Variants in RPA3 observed in about 807,000 individuals in gnomAD.
RPA3 encodes replication protein A3.
A neutral mutation model predicts 13.7 loss-of-function variants in RPA3; 24 were observed. That is an observed-to-expected ratio of 1.75 (90% CI 1.27 to 2.46). The LOEUF (loss-of-function observed/expected upper bound fraction) is 2.46. Among genes scored for constraint, RPA3 ranks in the 30% most tolerant of loss-of-function variants. The pLI, the probability that RPA3 is intolerant of heterozygous loss-of-function variation, is 0.00. For synonymous variants in RPA3, 59 were observed against 51.2 expected (o/e 1.15, Z -0.65); for missense variants, 183 against 151.0 (o/e 1.21, Z -1.11).
intron 2 of RPA3, among the ~76,000 whole-genome samples, chr7:7,698,367 C>T (rs1780367433): frequency 6.6e-6 from 1 of 152,170 alleles, no homozygotes; most frequent in Non-Finnish European, 1.5e-5. Flanking sequence ...TGCTGCATCT[C>T]TGCCATCAAT....
intron 7 of RPA3, 28 bp downstream of exon 7, chr7:7,637,836 C>A (rs777121380): frequency 6.8e-7 from 1 of 1,471,598 alleles, no homozygotes; most frequent in South Asian, 1.2e-5. Context: ...TTACATAAAA[C>A]CAGTCAATAC....
intron 2 of RPA3, among the ~76,000 whole-genome samples, chr7:7,694,327 G>T (rs1338265716): frequency 1.3e-5 from 2 of 152,016 alleles, no homozygotes; most frequent in African/African-American, 2.4e-5. Flanking sequence ...TCACATCAGG[G>T]TAAATGGGAT....
chr7:7,706,942 C>T (rs1465195139), intron 2 of RPA3, among the ~76,000 whole-genome samples: 2 of 152,140 alleles, frequency 1.3e-5, no homozygotes, highest in Non-Finnish European at 2.9e-5. Flanking sequence ...GAGATGACAG[C>T]AAATCTTTCC....
intron 4 of RPA3, among the ~76,000 whole-genome samples, chr7:7,679,714 A>G (rs928846919): frequency 3.4e-5 from 4 of 116,402 alleles, no homozygotes; most frequent in African/African-American, 1.1e-4. Flanking sequence ...ATAGATAAAT[A>G]TATATATATA....
chr7:7,643,963 C>A (rs958237716), intron 4 of RPA3, among the ~76,000 whole-genome samples: 1 of 152,078 alleles, frequency 6.6e-6, no homozygotes, highest in South Asian at 2.1e-4. Flanking sequence ...GCTACTGACC[C>A]GTGAGGATAG....
intron 2 of RPA3, among the ~76,000 whole-genome samples, chr7:7,712,780 A>G (rs17136437): frequency 0.051 from 7,823 of 152,246 alleles, 251 homozygotes; most frequent in Middle Eastern, 0.12. Context: ...AATGTTTGCA[A>G]TTGTGAACTA....
intron 4 of RPA3, among the ~76,000 whole-genome samples, chr7:7,659,777 G>C (rs1252035158): frequency 1.3e-5 from 2 of 152,180 alleles, no homozygotes; most frequent in African/African-American, 4.8e-5. Context: ...TGCATATTCT[G>C]TTAATTTGGG....
intron 4 of RPA3, among the ~76,000 whole-genome samples, chr7:7,642,404 C>T (rs1046325433): frequency 2.6e-5 from 4 of 151,976 alleles, no homozygotes; most frequent in African/African-American, 4.8e-5. Flanking sequence ...TCCCTCCCTC[C>T]CCCGTCTCCC....
intron 4 of RPA3, among the ~76,000 whole-genome samples, chr7:7,650,682 T>C (rs1462339826): frequency 6.6e-6 from 1 of 152,272 alleles, no homozygotes; most frequent in Non-Finnish European, 1.5e-5. Context: ...AGTGGCAATG[T>C]TACTTGTGCC....
intron 4 of RPA3, among the ~76,000 whole-genome samples, chr7:7,668,622 T>C (rs991380567): frequency 6.6e-6 from 1 of 152,186 alleles, no homozygotes; most frequent in Non-Finnish European, 1.5e-5. Context: ...AGTTTTACCA[T>C]AGGCTAATTG....
At chr7:7,708,917 G>T (rs534516557) in intron 2 of RPA3, among the ~76,000 whole-genome samples, 1 of 152,042 alleles carries the variant, frequency 6.6e-6, no homozygotes, top group East Asian at 1.9e-4. Flanking sequence ...GTGTGTTTGT[G>T]TTTGTGTGTC....
chr7:7,640,407 C>G lies in RPA3; in HGVS notation c.12G>C (p.Met4Ile). Residue 4 changes from methionine to isoleucine, a missense_variant, in exon 5 of 8, where the codon ATG becomes ATC. Met to Ile is a conservative substitution (Grantham distance 10). Coordinates refer to ENST00000223129, the MANE Select transcript of RPA3 (RefSeq NM_002947.5). ...TGATGCGCGACCTGGGCAAGTCCAT[C>G]ATGTCCACCATGATTATGGTCCAAG... MVD[M>I]MDLPRSRINA... 1 of 1,614,046 alleles carries G rather than the reference C, an allele frequency of 6.2e-7. No individual in the cohort carries two copies. The highest frequency in any genetic ancestry group is 8.5e-7 in the Non-Finnish European group (1 of 1,180,036).
At chr7:7,668,166 G>T (rs1779517181) in intron 4 of RPA3, among the ~76,000 whole-genome samples, 1 of 152,054 alleles carries the variant, frequency 6.6e-6, no homozygotes, top group South Asian at 2.1e-4. Context: ...GCCTGCCTCG[G>T]TCTCCCAAAG....
In RPA3 at chr7:7,637,065, C is replaced by G. The variant is rs374652446; in HGVS notation, c.301G>C (p.Glu101Gln). The change falls in exon 8 of 8, where the codon GAA becomes CAA. Residue 101 changes from glutamate (E) to glutamine (Q), a missense_variant. By Grantham distance (29) the Glu-to-Gln change is conservative. Transcript: ENST00000223129. ...AAGTCATGGATAATTTTCACAGCTTCATTGTAAAGTCCAAGATCTGAAAGA... is the reference window on the plus strand; with the variant it reads ...AAGTCATGGATAATTTTCACAGCTTGATTGTAAAGTCCAAGATCTGAAAGA... ...SHPFDLGLYN[E>Q]AVKIIHDFPQ... 2 of 1,610,882 alleles carry G rather than the reference C, an allele frequency of 1.2e-6. No individual in the cohort carries two copies. Among genetic ancestry groups the G allele is most frequent in the Non-Finnish European group, 1.7e-6 (2 of 1,177,418 alleles).
intron 4 of RPA3, among the ~76,000 whole-genome samples, chr7:7,660,976 A>G (rs1291478468): frequency 6.7e-6 from 1 of 149,020 alleles, no homozygotes; most frequent in African/African-American, 2.5e-5. Flanking sequence ...ATAGTCCCAT[A>G]TTTCTTGGAG....
intron 2 of RPA3, among the ~76,000 whole-genome samples, chr7:7,705,363 C>A (rs1780571835): frequency 6.6e-6 from 1 of 152,096 alleles, no homozygotes; most frequent in East Asian, 1.9e-4. Flanking sequence ...TATTAGAGTG[C>A]TTTGGAGTTT....
intron 2 of RPA3, among the ~76,000 whole-genome samples, chr7:7,700,594 A>G (rs1277636923): frequency 6.6e-6 from 1 of 152,044 alleles, no homozygotes; most frequent in African/African-American, 2.4e-5. Flanking sequence ...CAAACAAACA[A>G]AAACACCAAA....
intron 4 of RPA3, among the ~76,000 whole-genome samples, chr7:7,650,700 C>T (rs28916281): frequency 2.3e-3 from 354 of 152,348 alleles, no homozygotes; most frequent in African/African-American, 8.2e-3. Context: ...GCCAAACGCA[C>T]CTTGATTTAC....
At chr7:7,662,651 T>G (rs574228259) in intron 4 of RPA3, among the ~76,000 whole-genome samples, 89 of 152,260 alleles carry the variant, frequency 5.8e-4, no homozygotes, top group African/African-American at 2.0e-3. Context: ...GCACCCACTG[T>G]CTAACCAGTC....
Sources: allele counts gnomAD v4.1 joint callset (sites outside exome capture counted in the v4.1 genomes callset), GRCh38; gene constraint gnomAD v4.1.1; transcripts MANE v1.5; gene names NCBI Gene and HGNC (gene_info 2026-07-23, HGNC 2026-07-21).